LY86: variants seen among roughly 807,000 people sequenced by gnomAD.
LY86 encodes MD-1, RP105-associated.
LY86 carries 20 observed loss-of-function variants against 17.3 expected under a neutral mutation model. That is an observed-to-expected ratio of 1.15 (90% CI 0.81 to 1.68). The LOEUF (loss-of-function observed/expected upper bound fraction) is 1.68, where lower values mean the gene tolerates loss of function less well. LY86 is among the 40% of genes most tolerant of loss of function. The pLI is 0.00. For synonymous variants in LY86, 74 were observed against 70.6 expected, an observed-to-expected ratio of 1.05 and a Z score of -0.24; for missense variants, 200 against 191.9, an observed-to-expected ratio of 1.04 and a Z score of -0.25.
chr6:6,635,362 A>G (rs1473665327), intron 3 of LY86, among the ~76,000 whole-genome samples: 1 of 152,208 alleles, frequency 6.6e-6, no homozygotes, highest in Non-Finnish European at 1.5e-5. Flanking sequence ...ATAAAATAGA[A>G]CAATTATAAC....
At chr6:6,645,826 A>C (rs1171610117) in intron 3 of LY86, among the ~76,000 whole-genome samples, 1 of 151,534 alleles carries the variant, frequency 6.6e-6, no homozygotes, top group Non-Finnish European at 1.5e-5. Context: ...AACAAAAGCA[A>C]AGGGAATTTC....
intron 1 of LY86, among the ~76,000 whole-genome samples, chr6:6,611,586 CCAAGGCAA>C (rs1319409678): frequency 1.3e-5 from 2 of 152,232 alleles, no homozygotes; most frequent in Non-Finnish European, 2.9e-5. Flanking sequence ...TCCACAGCTT[CCAAGGCAA>C]AGCGCTGCTA....
At chr6:6,640,414 A>T (rs911546603) in intron 3 of LY86, among the ~76,000 whole-genome samples, 1 of 151,924 alleles carries the variant, frequency 6.6e-6, no homozygotes, top group Non-Finnish European at 1.5e-5. Context: ...AAAATAAAAA[A>T]AAAAGGCAGG....
intron 1 of LY86, among the ~76,000 whole-genome samples, chr6:6,605,371 G>A (rs1160061164): frequency 1.3e-5 from 2 of 152,214 alleles, no homozygotes; most frequent in South Asian, 4.1e-4. Context: ...GGCTTGGCTG[G>A]GGGAGCAGCT....
chr6:6,604,701 G>A (rs1761040203), intron 1 of LY86, among the ~76,000 whole-genome samples: 1 of 152,172 alleles, frequency 6.6e-6, no homozygotes, highest in African/African-American at 2.4e-5. Context: ...ATTAGCCAGA[G>A]ATATCAGTGC....
chr6:6,593,773 A>C (rs1175883055), intron 1 of LY86, among the ~76,000 whole-genome samples: 1 of 152,220 alleles, frequency 6.6e-6, no homozygotes, highest in African/African-American at 2.4e-5. Flanking sequence ...AGTAGATGGC[A>C]TCCTGGATGG....
chr6:6,598,831 G>A (rs1760800842), intron 1 of LY86, among the ~76,000 whole-genome samples: 1 of 152,134 alleles, frequency 6.6e-6, no homozygotes, highest in Non-Finnish European at 1.5e-5. Flanking sequence ...TACAGGACAT[G>A]CTGAACTTTG....
chr6:6,646,405 G>T (rs1466804571), intron 3 of LY86, among the ~76,000 whole-genome samples: 1 of 152,136 alleles, frequency 6.6e-6, no homozygotes, highest in African/African-American at 2.4e-5. Flanking sequence ...CATCCTTCTT[G>T]CTGACTTCAA....
chr6:6,616,881 G>A (rs1005373907), intron 1 of LY86, among the ~76,000 whole-genome samples: 1 of 152,188 alleles, frequency 6.6e-6, no homozygotes, highest in Non-Finnish European at 1.5e-5. Context: ...ACAGACAAAT[G>A]CGTAAGAACC....
Position 6,603,603 on chromosome 6 carries a change from C to CAAAAAAAAAAAAAAA in LY86, c.136+14734_136+14735insAAAAAAAAAAAAAAA, listed in dbSNP as rs1207511602. ...CCAAAGCCAAAAACAAAAACAGAAACAGAAAAAAAAACAAACAAAAAAAAA... is the reference window on the plus strand; with the variant it reads ...CCAAAGCCAAAAACAAAAACAGAAACAAAAAAAAAAAAAAAAGAAAAAAAAACAAACAAAAAAAAA... On this transcript the variant is annotated intron_variant, in intron 1 of 4. Transcript: ENST00000230568. Among the ~76,000 whole-genome samples the CAAAAAAAAAAAAAAA allele has an allele frequency of 1.0e-3, 71 of 70,462 alleles. 1 individual carries two copies. The highest frequency in any genetic ancestry group is 1.7e-3 in the Non-Finnish European group (52 of 31,146). The allele number at this position is 70,462 out of a possible 152,430, so 46.2% of individuals were successfully genotyped here.
intron 1 of LY86, among the ~76,000 whole-genome samples, chr6:6,599,099 T>G (rs1027798237): frequency 2.0e-5 from 3 of 152,226 alleles, no homozygotes; most frequent in Non-Finnish European, 4.4e-5. Flanking sequence ...AAAAACTGCA[T>G]AGTTGTCTCT....
At chr6:6,606,285 G>A (rs1027198905) in intron 1 of LY86, among the ~76,000 whole-genome samples, 1 of 152,152 alleles carries the variant, frequency 6.6e-6, no homozygotes, top group African/African-American at 2.4e-5. Context: ...AACACAGAGT[G>A]TCGATTGGTG....
At chr6:6,598,092 T>C (rs1760775492) in intron 1 of LY86, among the ~76,000 whole-genome samples, 2 of 152,240 alleles carry the variant, frequency 1.3e-5, no homozygotes, top group Admixed American at 1.3e-4. Flanking sequence ...ATTTTTTAAA[T>C]ATCCCTTTAA....
chr6:6,610,517 T>A (rs1328428893), intron 1 of LY86, among the ~76,000 whole-genome samples: 1 of 150,156 alleles, frequency 6.7e-6, no homozygotes, highest in Non-Finnish European at 1.5e-5. Flanking sequence ...CAGTTCCTCC[T>A]TTTACAAGTG....
intron 3 of LY86, among the ~76,000 whole-genome samples, chr6:6,630,989 T>G (rs1761889971): frequency 6.6e-6 from 1 of 152,170 alleles, no homozygotes; most frequent in Non-Finnish European, 1.5e-5. Flanking sequence ...TTTTAATCAT[T>G]TATCAATGAT....
chr6:6,650,042 G>A (rs1762163780), intron 4 of LY86, among the ~76,000 whole-genome samples: 1 of 152,166 alleles, frequency 6.6e-6, no homozygotes, highest in Non-Finnish European at 1.5e-5. Context: ...CTGTGTGGGC[G>A]GCACCATGCA....
intron 3 of LY86, among the ~76,000 whole-genome samples, chr6:6,628,879 T>C (rs1051577039): frequency 2.6e-5 from 4 of 152,218 alleles, no homozygotes; most frequent in Non-Finnish European, 5.9e-5. Context: ...AAATGACTAC[T>C]TAAGGCTGCT....
At position 6,633,608 on chromosome 6, in the gene LY86, C is replaced by T. The variant is rs56655374; in HGVS notation, c.352+7187C>T. 1.8e-3 allele frequency among the ~76,000 whole-genome samples: 274 copies of T among 152,188 alleles called. 2 individuals carry two copies. Among genetic ancestry groups the T allele is most frequent in the African/African-American group, 6.1e-3 (252 of 41,526 alleles). On this transcript the variant is annotated intron_variant, in intron 3 of 4. Transcript: ENST00000230568. ...CCCATCCCCCACCCTCCAACAGACC[C>T]CAGTGTGTGTTGTTTGCCCCAATGT...
intron 3 of LY86, among the ~76,000 whole-genome samples, chr6:6,641,446 C>T (rs1183519439): frequency 6.6e-6 from 1 of 152,204 alleles, no homozygotes. Context: ...GGCTTCCTCG[C>T]ATACCCTCTT....
Sources: allele counts gnomAD v4.1 joint callset (sites outside exome capture counted in the v4.1 genomes callset), GRCh38; gene constraint gnomAD v4.1.1; transcripts MANE v1.5; gene names NCBI Gene and HGNC (gene_info 2026-07-23, HGNC 2026-07-21).